The following GRM8 variants were observed in gnomAD, a reference collection of about 807,000 sequenced individuals.
GRM8 encodes metabotropic glutamate receptor 8.
Under a neutral mutation model 87.2 loss-of-function variants are expected in GRM8, and 47 were observed. The ratio of observed to expected loss-of-function variants is 0.54; its 90% CI spans 0.43 to 0.69. The LOEUF (loss-of-function observed/expected upper bound fraction) is 0.69, where lower values mean the gene tolerates loss of function less well. Among genes scored for constraint, GRM8 ranks in the 30% least tolerant of loss-of-function variants. The pLI is 0.00. For missense variants in GRM8, 1,019 were observed against 1,139.2 expected, an observed-to-expected ratio of 0.89 and a Z score of 1.52; for synonymous variants, 396 against 404.5, an observed-to-expected ratio of 0.98 and a Z score of 0.25.
At chr7:126,595,508 C>T (rs1030460361) in intron 8 of GRM8, among the ~76,000 whole-genome samples, 2 of 151,600 alleles carry the variant, frequency 1.3e-5, no homozygotes, top group Non-Finnish European at 2.9e-5. Flanking sequence ...CTCAAGTAAT[C>T]AGCCTGTCTG....
intron 3 of GRM8, among the ~76,000 whole-genome samples, chr7:126,954,803 G>T (rs1204570): frequency 0.87 from 132,487 of 152,220 alleles, 58,073 homozygotes; most frequent in East Asian, 0.98. Context: ...TGTAATTACT[G>T]CAGTATTACT....
At chr7:126,572,720 CT>C (rs1262959267) in intron 8 of GRM8, among the ~76,000 whole-genome samples, 1 of 152,070 alleles carries the variant, frequency 6.6e-6, no homozygotes, top group Non-Finnish European at 1.5e-5. Flanking sequence ...CAGAAGTAAA[CT>C]AAGAAGGAGG....
intron 1 of GRM8, among the ~76,000 whole-genome samples, chr7:127,248,019 A>C (rs2116907919): frequency 6.6e-6 from 1 of 152,366 alleles, no homozygotes; most frequent in South Asian, 2.1e-4. Context: ...GCATTACAGA[A>C]GAATTCACCA....
chr7:126,855,846 T>C (rs1797631552), intron 6 of GRM8, among the ~76,000 whole-genome samples: 1 of 152,044 alleles, frequency 6.6e-6, no homozygotes, highest in African/African-American at 2.4e-5. Flanking sequence ...TGAAGTGAAC[T>C]GCCAGCAATC....
intron 3 of GRM8, among the ~76,000 whole-genome samples, chr7:127,082,981 C>T (rs187089598): frequency 6.6e-6 from 1 of 152,154 alleles, no homozygotes; most frequent in African/African-American, 2.4e-5. Flanking sequence ...GAAACACAAC[C>T]AAGAGGAATT....
chr7:126,868,058 G>GC (rs2130873491), intron 6 of GRM8, among the ~76,000 whole-genome samples: 1 of 152,250 alleles, frequency 6.6e-6, no homozygotes, highest in South Asian at 2.1e-4. Context: ...TACCCTCTGG[G>GC]CCCCCAGCTC....
At chr7:127,129,568 A>T (rs1587095289) in intron 2 of GRM8, among the ~76,000 whole-genome samples, 1 of 152,204 alleles carries the variant, frequency 6.6e-6, no homozygotes, top group East Asian at 1.9e-4. Flanking sequence ...GACATGACAC[A>T]GAACAGCTTG....
chr7:126,910,857 G>A (rs1198480667), intron 3 of GRM8, among the ~76,000 whole-genome samples: 1 of 152,120 alleles, frequency 6.6e-6, no homozygotes, highest in African/African-American at 2.4e-5. Flanking sequence ...GCATAGAGAT[G>A]GTGGAATGAG....
At chr7:126,555,636 G>A (rs1010304206) in intron 8 of GRM8, among the ~76,000 whole-genome samples, 4 of 152,042 alleles carry the variant, frequency 2.6e-5, no homozygotes, top group Non-Finnish European at 5.9e-5. Context: ...TTATTACGAG[G>A]GTTTCTGCTA....
chr7:127,086,072 G>A (rs1381843329), intron 3 of GRM8, among the ~76,000 whole-genome samples: 1 of 152,136 alleles, frequency 6.6e-6, no homozygotes, highest in Non-Finnish European at 1.5e-5. Flanking sequence ...TCATGCCAGA[G>A]GAAGCAAAGT....
At chr7:126,770,311 ATC>A (rs1156314532) in intron 6 of GRM8, among the ~76,000 whole-genome samples, 1 of 152,160 alleles carries the variant, frequency 6.6e-6, no homozygotes, top group Non-Finnish European at 1.5e-5. Flanking sequence ...TAGTTTCATT[ATC>A]TTTTTTCCAC....
intron 6 of GRM8, among the ~76,000 whole-genome samples, chr7:126,842,387 A>T (rs78130082): frequency 0.017 from 2,545 of 152,334 alleles, 75 homozygotes; most frequent in African/African-American, 0.057. Flanking sequence ...ACCCAAAACT[A>T]TATAGTAAGA....
rs67131936 is a variant in GRM8 at position 126,788,409 on chromosome 7, C to CAAAAAAAAA, written c.1157-18353_1157-18345dup. On this transcript the variant is annotated intron_variant, in intron 6 of 10. Coordinates refer to ENST00000339582, the MANE Select transcript of GRM8 (RefSeq NM_000845.3). ...TGGGTATCAGAGCAAGACTCCATCT[C>CAAAAAAAAA]AAAAAAAAAAAAAACCCTTTCAGAT... Among the ~76,000 whole-genome samples, 62 of 10,792 alleles carry CAAAAAAAAA rather than the reference C, an allele frequency of 5.7e-3. 3 individuals carry two copies. The highest frequency in any genetic ancestry group is 0.015 in the African/African-American group (53 of 3,632). The allele number at this position is 10,792 out of a possible 152,430, so 7.1% of individuals were successfully genotyped here.
chr7:126,813,114 C>T (rs1793456733), intron 6 of GRM8, among the ~76,000 whole-genome samples: 1 of 151,934 alleles, frequency 6.6e-6, no homozygotes. Flanking sequence ...ACCCCTATGA[C>T]CCAGGTTTAC....
At chr7:127,033,966 G>A (rs899492316) in intron 3 of GRM8, among the ~76,000 whole-genome samples, 1 of 152,138 alleles carries the variant, frequency 6.6e-6, no homozygotes, top group Non-Finnish European at 1.5e-5. Flanking sequence ...AAGATTCATT[G>A]TCATTCTCTA....
chr7:126,643,320 ATATATATATATATATATATATAT>A (rs1376341136), intron 7 of GRM8, among the ~76,000 whole-genome samples: 1 of 8,748 alleles, frequency 1.1e-4, no homozygotes, highest in Non-Finnish European at 1.9e-4. Flanking sequence ...AAAAAAAAAA[ATATATATATATATATATATATAT>A]ATATATATAT....
chr7:126,611,341 G>A (rs1798894751), intron 7 of GRM8, among the ~76,000 whole-genome samples: 1 of 152,180 alleles, frequency 6.6e-6, no homozygotes, highest in Non-Finnish European at 1.5e-5. Flanking sequence ...GAGTTGTTGT[G>A]AGAATTAAAT....
At chr7:126,696,448 G>A (rs116312350) in intron 7 of GRM8, among the ~76,000 whole-genome samples, 4,143 of 152,008 alleles carry the variant, frequency 0.027, 208 homozygotes, top group African/African-American at 0.094. Flanking sequence ...TGTTCTCATC[G>A]TTCAGCTCCC....
chr7:126,463,507 C>T (rs1196919500), intron 9 of GRM8, among the ~76,000 whole-genome samples: 1 of 151,556 alleles, frequency 6.6e-6, no homozygotes, highest in African/African-American at 2.4e-5. Context: ...AACAAAGTGT[C>T]TAGTCTATCA....
Sources: gnomAD v4.1 joint callset for allele counts (sites outside exome capture counted in the v4.1 genomes callset) on GRCh38, gnomAD v4.1.1 for gene constraint, MANE v1.5 for transcripts, NCBI Gene and HGNC (gene_info 2026-07-23, HGNC 2026-07-21) for gene names.